ADAMTS14: variants seen among roughly 807,000 people sequenced by gnomAD.
The protein encoded by ADAMTS14 is ADAM metallopeptidase with thrombospondin type 1 motif 14.
A neutral mutation model predicts 128.6 loss-of-function variants in ADAMTS14; 100 were observed. The ratio of observed to expected loss-of-function variants is 0.78; its 90% CI spans 0.66 to 0.92. ADAMTS14 has a LOEUF of 0.92. Among genes scored for constraint, ADAMTS14 ranks in the 40% least tolerant of loss-of-function variants. The probability of loss-of-function intolerance (pLI) is 0.00; values close to 1 mark genes in which losing one functional copy is unlikely to be tolerated. For synonymous variants in ADAMTS14, 665 were observed against 653.8 expected (o/e 1.02, Z -0.26); for missense variants, 1,562 against 1,658.6 (o/e 0.94, Z 1.01).
chr10:70,745,249 C>T lies in ADAMTS14; in HGVS notation c.2206C>T (p.Pro736Ser), dbSNP rs753767012. 3 of 1,612,366 alleles carry T rather than the reference C, an allele frequency of 1.9e-6. No homozygotes were observed. In the Admixed American group the frequency reaches 5.0e-5, roughly 27 times the overall value. ...QAGALKLVQI[P>S]AGARHIQIEA... ...AGGAGCTCTCAAGCTGGTGCAGATC[C>T]CAGCAGGTGCCAGGCACATCCAGAT... The change falls in exon 15 of 22, where the codon CCA becomes TCA. Residue 736 changes from proline to serine, a missense_variant. Physicochemically the swap from Pro to Ser is moderately conservative, Grantham distance 74. Coordinates refer to ENST00000373207, the MANE Select transcript of ADAMTS14 (RefSeq NM_080722.4).
chr10:70,701,849 C>T (rs1033059417), intron 2 of ADAMTS14, among the ~76,000 whole-genome samples: 8 of 152,184 alleles, frequency 5.3e-5, no homozygotes, highest in Admixed American at 5.2e-4. Flanking sequence ...GGGACAAACA[C>T]GCACCTTAGG....
intron 2 of ADAMTS14, among the ~76,000 whole-genome samples, chr10:70,699,253 C>G (rs1195111404): frequency 6.6e-6 from 1 of 152,172 alleles, no homozygotes; most frequent in Non-Finnish European, 1.5e-5. Context: ...CCCTTCTGAA[C>G]CTCTATTTCC....
intron 19 of ADAMTS14, among the ~76,000 whole-genome samples, chr10:70,755,990 G>T (rs1390398453): frequency 4.6e-5 from 7 of 152,182 alleles, no homozygotes; most frequent in Admixed American, 2.6e-4. Context: ...ATCTATAGAA[G>T]ATTGGACAAA....
At position 70,741,177 on chromosome 10, in the gene ADAMTS14, C is replaced by CCCCCCT; in HGVS notation, c.1924+19_1924+24dup. The CCCCCCT allele has an allele frequency of 1.2e-6, 2 of 1,608,452 alleles. No individual in the cohort carries two copies. Among genetic ancestry groups the CCCCCCT allele is most frequent in the South Asian group, 2.2e-5 (2 of 90,906 alleles). ...GCCTGACGATGGTGAGTGGGCCCCA[C>CCCCCCT]CCCCCTCCCACTCCATGTCCTTAGG... is the stretch of plus-strand genomic sequence containing the variant. On this transcript the variant is annotated intron_variant, in intron 12 of 21. Coordinates refer to ENST00000373207, the MANE Select transcript of ADAMTS14 (RefSeq NM_080722.4).
intron 2 of ADAMTS14, among the ~76,000 whole-genome samples, chr10:70,682,433 T>G (rs970828811): frequency 6.6e-6 from 1 of 152,184 alleles, no homozygotes. Flanking sequence ...CAGCATGTGC[T>G]GGGGGGTGAG....
intron 11 of ADAMTS14, among the ~76,000 whole-genome samples, chr10:70,740,639 C>T (rs1841966642): frequency 6.6e-6 from 1 of 152,140 alleles, no homozygotes; most frequent in South Asian, 2.1e-4. Flanking sequence ...GCCTGCAAAA[C>T]AGTTGAAGGC....
At chr10:70,725,701 T>C (rs1841407215) in intron 4 of ADAMTS14, among the ~76,000 whole-genome samples, 1 of 152,018 alleles carries the variant, frequency 6.6e-6, no homozygotes, top group Non-Finnish European at 1.5e-5. Flanking sequence ...CCCTTGGGAG[T>C]TGGATTTCAA....
At chr10:70,729,590 A>G (rs1370369276) in intron 5 of ADAMTS14, among the ~76,000 whole-genome samples, 1 of 152,080 alleles carries the variant, frequency 6.6e-6, no homozygotes, top group African/African-American at 2.4e-5. Context: ...GAAACTGACG[A>G]TTCCACACCT....
At chr10:70,751,747 G>A in intron 17 of ADAMTS14, 101 bp downstream of exon 17, 2 of 1,433,216 alleles carry the variant, frequency 1.4e-6, no homozygotes, top group Non-Finnish European at 1.9e-6. Context: ...ATGTGTCCTT[G>A]CTTATGACTC....
chr10:70,703,704 C>T (rs1041157503), intron 3 of ADAMTS14, among the ~76,000 whole-genome samples: 1 of 152,232 alleles, frequency 6.6e-6, no homozygotes, highest in African/African-American at 2.4e-5. Flanking sequence ...GGAAGTCCAG[C>T]TCCAGAGCTG....
chr10:70,719,307 A>G lies in ADAMTS14; in HGVS notation c.871-9987A>G, dbSNP rs533394358. On this transcript the variant is annotated intron_variant, in intron 4 of 21. Coordinates refer to ENST00000373207, the MANE Select transcript of ADAMTS14 (RefSeq NM_080722.4). Reference sequence around the variant, plus strand: ...TGTGGTAGTGAGCACCCTCCTGCAAAGAGAGTTTTATGGTTCACACAACAC... The same window carrying G: ...TGTGGTAGTGAGCACCCTCCTGCAAGGAGAGTTTTATGGTTCACACAACAC... Among the ~76,000 whole-genome samples, 4 of 152,120 alleles carry G rather than the reference A, an allele frequency of 2.6e-5. No individual in the cohort carries two copies. In the East Asian group the frequency reaches 7.7e-4, roughly 29 times the overall value.
At chr10:70,746,886 G>A (rs1384288956) in intron 15 of ADAMTS14, among the ~76,000 whole-genome samples, 1 of 152,122 alleles carries the variant, frequency 6.6e-6, no homozygotes, top group Non-Finnish European at 1.5e-5. Context: ...GGGCAGTGGT[G>A]TCTGTGTTCA....
intron 2 of ADAMTS14, among the ~76,000 whole-genome samples, chr10:70,678,755 G>A (rs1047558529): frequency 1.3e-5 from 2 of 152,132 alleles, no homozygotes; most frequent in Non-Finnish European, 2.9e-5. Flanking sequence ...CTGGGCCTCA[G>A]TTGCCTCCTG....
intron 3 of ADAMTS14, among the ~76,000 whole-genome samples, chr10:70,706,155 C>A (rs72814558): frequency 2.0e-5 from 3 of 152,028 alleles, no homozygotes; most frequent in Non-Finnish European, 4.4e-5. Context: ...TGGCTGGAGC[C>A]CCCCCACAGC....
intron 2 of ADAMTS14, among the ~76,000 whole-genome samples, chr10:70,691,445 C>G (rs1409382656): frequency 7.7e-6 from 1 of 129,468 alleles, no homozygotes; most frequent in Non-Finnish European, 1.7e-5. Flanking sequence ...GAGCAGAGAT[C>G]GTGCCACTGC....
intron 6 of ADAMTS14, 69 bp from the exon 7 acceptor site, chr10:70,732,185 A>G (rs985915957): frequency 1.5e-6 from 2 of 1,363,786 alleles, no homozygotes; most frequent in African/African-American, 2.9e-5. Flanking sequence ...GGCTGGGCAC[A>G]GACCTCAGTG....
chr10:70,747,407 G>A (rs1206197541), intron 15 of ADAMTS14, among the ~76,000 whole-genome samples: 2 of 152,082 alleles, frequency 1.3e-5, no homozygotes, highest in Non-Finnish European at 2.9e-5. Flanking sequence ...CCAGGTTAGA[G>A]GACATTGGTT....
At chr10:70,759,830 C>T (rs1842563462) in intron 21 of ADAMTS14, among the ~76,000 whole-genome samples, 1 of 152,164 alleles carries the variant, frequency 6.6e-6, no homozygotes, top group African/African-American at 2.4e-5. Flanking sequence ...GTTCCCACTT[C>T]CATCCAGAGC....
At chr10:70,746,674 G>C (rs140375452) in intron 15 of ADAMTS14, among the ~76,000 whole-genome samples, 3 of 152,238 alleles carry the variant, frequency 2.0e-5, no homozygotes, top group Admixed American at 6.5e-5. Context: ...TCAGCTAGGC[G>C]TGGTGGTGCA....
Sources: allele counts gnomAD v4.1 joint callset (sites outside exome capture counted in the v4.1 genomes callset), GRCh38; gene constraint gnomAD v4.1.1; transcripts MANE v1.5; gene names NCBI Gene and HGNC (gene_info 2026-07-23, HGNC 2026-07-21).